CYFIP2: variants seen among roughly 807,000 people sequenced by gnomAD.
CYFIP2 encodes cytoplasmic FMR1-interacting protein 2.
A neutral mutation model predicts 158.7 loss-of-function variants in CYFIP2; 29 were observed. That is an observed-to-expected ratio of 0.18 (90% confidence interval 0.14 to 0.25). The LOEUF is 0.25. Ranked by LOEUF, CYFIP2 falls within the 10% of genes least tolerant of loss-of-function variation. CYFIP2 has a pLI of 1.00. For synonymous variants in CYFIP2, 585 were observed against 617.6 expected (o/e 0.95, Z 0.78); for missense variants, 852 against 1,639.5 (o/e 0.52, Z 8.29).
In CYFIP2 at chr5:157,311,733, T is replaced by A; in HGVS notation, c.1062T>A (p.Asp354Glu). 6.2e-7 allele frequency: 1 copy of A among 1,609,092 alleles called. No individual in the cohort carries two copies. Among genetic ancestry groups the A allele is most frequent in the Non-Finnish European group, 8.5e-7 (1 of 1,177,794 alleles). ...NICEQMVQIR[D>E]DHIRFISELA... ...GCGAGCAGATGGTTCAGATCCGGGA[T>A]GACCACATCCGCTTCATCTCCGAGC... Residue 354 changes from aspartate to glutamate, a missense_variant, in exon 11 of 31, where the codon GAT (aspartate) becomes GAA (glutamate). Coordinates refer to ENST00000620254, the MANE Select transcript of CYFIP2 (RefSeq NM_001037333.3). This position sits in a 1 kb window ranked among gnomAD's most constrained non-coding sequence, Gnocchi z 4.7.
chr5:157,273,694 A>G lies in CYFIP2; in HGVS notation c.-24+7499A>G, dbSNP rs181965208. On this transcript the variant is annotated intron_variant, in intron 1 of 30. Transcript: ENST00000620254. ...TCATTTACAGTCCCCAAACTCCCCA[A>G]GCTCCTACTCTACCCCCAGCTCTCT... is the stretch of plus-strand genomic sequence containing the variant. Among the ~76,000 whole-genome samples, 421 of 152,144 alleles carry G rather than the reference A, an allele frequency of 2.8e-3. 1 individual carries two copies. Among genetic ancestry groups the G allele is most frequent in the African/African-American group, 9.8e-3 (405 of 41,482 alleles).
At chr5:157,330,240 ATGTGTGTGTG>A (rs58447290) in intron 19 of CYFIP2, among the ~76,000 whole-genome samples, 2,374 of 144,414 alleles carry the variant, frequency 0.016, 86 homozygotes, top group East Asian at 0.15. Context: ...GAGATTTAAA[ATGTGTGTGTG>A]TGTGTGTGTG....
At chr5:157,343,445 A>G (rs1014573061) in intron 23 of CYFIP2, 7 of 1,613,934 alleles carry the variant, frequency 4.3e-6, no homozygotes, top group African/African-American at 2.7e-5. Flanking sequence ...GGGCCTGTAC[A>G]TAATATGGTA....
chr5:157,371,568 G>A (rs2431686), intron 26 of CYFIP2, among the ~76,000 whole-genome samples: 100,189 of 152,012 alleles, frequency 0.66, 34,066 homozygotes, highest in Middle Eastern at 0.74. Context: ...AAATATGTAC[G>A]CGGAATCTTT....
chr5:157,383,258 T>A lies in CYFIP2; in HGVS notation c.3113-7T>A. On this transcript the variant is annotated splice_polypyrimidine_tract_variant and splice_region_variant and intron_variant, in intron 27 of 30. Coordinates refer to ENST00000620254, the MANE Select transcript of CYFIP2 (RefSeq NM_001037333.3). ...TCTCATTTTCTGCTCTGCGACTCCT[T>A]TTGCAGAGGGGGAGCGCCTGGAGGT... 1 of 1,613,412 alleles carries A rather than the reference T, an allele frequency of 6.2e-7. No individual in the cohort carries two copies. The highest frequency in any genetic ancestry group is 8.5e-7 in the Non-Finnish European group (1 of 1,179,656).
At chr5:157,304,487 G>A (rs1282327950) in intron 8 of CYFIP2, 121 bp downstream of exon 8, 17 of 1,157,594 alleles carry the variant, frequency 1.5e-5, no homozygotes, top group Non-Finnish European at 1.1e-5. Flanking sequence ...CAGATCTTAC[G>A]GCACATAATG....
In CYFIP2 at chr5:157,341,057, A is replaced by G. The variant is rs147373316; in HGVS notation, c.2586-13A>G. The G allele has an allele frequency of 3.7e-4, 595 of 1,612,618 alleles. No individual in the cohort carries two copies. In the African/African-American group the frequency reaches 5.5e-3, roughly 15 times the overall value. ...ACCATATTAACTCTTTCCCATCCCT[A>G]TGCTTCTACTAGTTTTGTGCGGACT... is the stretch of plus-strand genomic sequence containing the variant. On this transcript the variant is annotated splice_polypyrimidine_tract_variant and intron_variant, in intron 22 of 30. Coordinates refer to ENST00000620254, the MANE Select transcript of CYFIP2 (RefSeq NM_001037333.3).
intron 26 of CYFIP2, among the ~76,000 whole-genome samples, chr5:157,372,749 C>A (rs1429179769): frequency 1.3e-5 from 2 of 152,096 alleles, no homozygotes; most frequent in African/African-American, 4.8e-5. Flanking sequence ...AGTTTAAGAT[C>A]CAAGAAAGAC....
At position 157,325,629 on chromosome 5, in the gene CYFIP2, C is replaced by T; in HGVS notation, c.1973C>T (p.Ser658Phe). The change falls in exon 17 of 31, where the codon TCC (serine) becomes TTC (phenylalanine). Residue 658 changes from serine to phenylalanine, a missense_variant. Coordinates refer to ENST00000620254, the MANE Select transcript of CYFIP2 (RefSeq NM_001037333.3). ...CATATCCTGGAAACCAAAGAACCTT[C>T]CATGATGGAGTAAGAGGCAGGATTG... ...TDHILETKEP[S>F]MMEYVLYPLD... The T allele has an allele frequency of 6.2e-7, 1 of 1,607,634 alleles. No homozygotes were observed. The highest frequency in any genetic ancestry group is 8.5e-7 in the Non-Finnish European group (1 of 1,176,458).
intron 21 of CYFIP2, among the ~76,000 whole-genome samples, chr5:157,333,843 A>G (rs1393064310): frequency 6.6e-6 from 1 of 152,226 alleles, no homozygotes; most frequent in East Asian, 1.9e-4. Context: ...ATTCTGCTTC[A>G]CTATCTTGAA....
At chr5:157,359,974 T>A (rs1261359025) in intron 24 of CYFIP2, among the ~76,000 whole-genome samples, 2 of 152,350 alleles carry the variant, frequency 1.3e-5, no homozygotes, top group Middle Eastern at 6.8e-3. Context: ...AAATAGCATG[T>A]TTCAATCTGC....
At chr5:157,391,116 G>A (rs781459562) in intron 30 of CYFIP2, among the ~76,000 whole-genome samples, 6 of 152,034 alleles carry the variant, frequency 3.9e-5, no homozygotes, top group Non-Finnish European at 8.8e-5. Flanking sequence ...TGTCTGGGCT[G>A]ACTCCAGAAT....
intron 26 of CYFIP2, among the ~76,000 whole-genome samples, chr5:157,368,017 C>T (rs1443861598): frequency 1.3e-5 from 2 of 152,014 alleles, no homozygotes; most frequent in East Asian, 1.9e-4. Context: ...CTCGGCCTCC[C>T]GAAGTGCTGG....
intron 1 of CYFIP2, among the ~76,000 whole-genome samples, chr5:157,284,551 GA>G (rs1319229660): frequency 6.6e-6 from 1 of 152,184 alleles, no homozygotes; most frequent in Non-Finnish European, 1.5e-5. Flanking sequence ...TGTTTGGGGG[GA>G]AAAATGAGTA....
At chr5:157,322,096 C>T (rs909721790) in intron 15 of CYFIP2, among the ~76,000 whole-genome samples, 1 of 152,168 alleles carries the variant, frequency 6.6e-6, no homozygotes, top group African/African-American at 2.4e-5. Context: ...TCCCGCCTCA[C>T]CCCCAACCTC....
chr5:157,362,763 T>C (rs7714183), intron 26 of CYFIP2: 72,886 of 152,088 alleles, frequency 0.48, 19,555 homozygotes, highest in African/African-American at 0.74. Context: ...TGCAGGGTCC[T>C]GTGGGAACAG....
intron 9 of CYFIP2, 73 bp from the exon 10 acceptor site, chr5:157,309,670 G>A (rs1175585487): frequency 1.5e-6 from 2 of 1,346,444 alleles, no homozygotes; most frequent in African/African-American, 2.9e-5. Context: ...GCCTCCCACA[G>A]TGGGGTGGCA....
At chr5:157,288,701 T>C (rs374908950) in intron 3 of CYFIP2, 2 of 444,718 alleles carry the variant, frequency 4.5e-6, no homozygotes, top group South Asian at 1.6e-5. Context: ...TGGGGAAAAC[T>C]GGAGCCCAAA....
rs77469849 is a variant in CYFIP2, at chr5:157,293,184, T to C, written c.208-1599T>C. Among the ~76,000 whole-genome samples the C allele has an allele frequency of 4.0e-3, 605 of 152,166 alleles. 2 individuals carry two copies. Among genetic ancestry groups the C allele is most frequent in the African/African-American group, 0.014 (573 of 41,496 alleles). On this transcript the variant is annotated intron_variant, in intron 3 of 30. Coordinates refer to ENST00000620254, the MANE Select transcript of CYFIP2 (RefSeq NM_001037333.3). ...AATTCTCCTGCCTCAGCCTCCAGAG[T>C]AGCTGAGATTGCAGGCACCCGCCAC...
Sources: gnomAD v4.1 joint callset for allele counts (sites outside exome capture counted in the v4.1 genomes callset) on GRCh38, gnomAD v4.1.1 for gene constraint, Gnocchi (gnomAD v3.1) non-coding constraint, MANE v1.5 for transcripts, NCBI Gene and HGNC (gene_info 2026-07-23, HGNC 2026-07-21) for gene names.